The following VAV2 variants were observed in gnomAD, a reference collection of about 807,000 sequenced individuals.
VAV2 encodes the protein vav guanine nucleotide exchange factor 2, also known as guanine nucleotide exchange factor VAV2.
Under a neutral mutation model 132.5 loss-of-function variants are expected in VAV2, and 67 were observed. That is an observed-to-expected ratio of 0.51 (90% confidence interval 0.42 to 0.62). VAV2 has a LOEUF of 0.62. Among genes scored for constraint, VAV2 ranks in the 20% least tolerant of loss-of-function variants. The pLI is 0.00. For synonymous variants in VAV2, 492 were observed against 443.5 expected (o/e 1.11, Z -1.37); for missense variants, 938 against 1,153.6 (o/e 0.81, Z 2.71).
intron 2 of VAV2, among the ~76,000 whole-genome samples, chr9:133,875,074 C>G (rs1257430795): frequency 6.6e-6 from 1 of 152,234 alleles, no homozygotes; most frequent in Non-Finnish European, 1.5e-5. Flanking sequence ...AACAGAATCA[C>G]AGGCTCTCCC....
intron 18 of VAV2, among the ~76,000 whole-genome samples, 183 bp from the exon 19 acceptor site, chr9:133,783,774 C>T (rs1474937200): frequency 6.6e-6 from 1 of 152,056 alleles, no homozygotes; most frequent in Non-Finnish European, 1.5e-5. Flanking sequence ...ACCTGCTTTC[C>T]CCTACCTCCA....
At chr9:133,772,079 G>T (rs373654300) in intron 25 of VAV2, 33 bp from the exon 26 acceptor site, 1 of 1,595,058 alleles carries the variant, frequency 6.3e-7, no homozygotes. Flanking sequence ...CGGTCACCGC[G>T]TGAGGGCCAC....
At chr9:133,909,929 G>A (rs982205275) in intron 2 of VAV2, among the ~76,000 whole-genome samples, 4 of 152,134 alleles carry the variant, frequency 2.6e-5, no homozygotes, top group Admixed American at 1.3e-4. Context: ...GGCAGGGCTG[G>A]GGGCCTCCCA....
intron 3 of VAV2, among the ~76,000 whole-genome samples, chr9:133,839,450 AG>A (rs1308439846): frequency 6.7e-6 from 1 of 148,842 alleles, no homozygotes; most frequent in African/African-American, 2.5e-5. Flanking sequence ...GATACGAGGA[AG>A]TTTTTTTTTT....
At chr9:133,779,687 G>A (rs1833937684) in intron 21 of VAV2, among the ~76,000 whole-genome samples, 1 of 152,182 alleles carries the variant, frequency 6.6e-6, no homozygotes, top group Non-Finnish European at 1.5e-5. Context: ...CTGCAGGCTG[G>A]GTCCTGTCCC....
chr9:133,939,439 G>A, intron 1 of VAV2: 1 of 589,094 alleles, frequency 1.7e-6, no homozygotes, highest in Non-Finnish European at 3.0e-6. Context: ...AGTGGAAGCA[G>A]GCAGACCAGC....
At chr9:133,773,740 A>T (rs1833717575) in intron 25 of VAV2, among the ~76,000 whole-genome samples, 1 of 152,150 alleles carries the variant, frequency 6.6e-6, no homozygotes, top group Non-Finnish European at 1.5e-5. Flanking sequence ...TTTACAATTA[A>T]GTATTTTTTT....
In VAV2 at chr9:133,783,561, G is replaced by A. The variant is rs1047070700; in HGVS notation, c.1665C>T (p.Thr555=). The A allele has an allele frequency of 2.5e-6, 4 of 1,613,916 alleles. No homozygotes were observed. In the African/African-American group the frequency reaches 4.0e-5, roughly 16 times the overall value. ...RGTFYQGYMC[T]KCGVGAHKEC... is the part of the protein sequence containing the mutation. Reference sequence around the variant, plus strand: ...CCTTGTGTGCCCCGACGCCACACTTGGTACACATGTATCCCTGGTAGAAGG... The same window carrying A: ...CCTTGTGTGCCCCGACGCCACACTTAGTACACATGTATCCCTGGTAGAAGG... Residue 555 remains threonine, a synonymous_variant, in exon 19 of 30, where the codon ACC becomes ACT. Transcript: ENST00000371850.
chr9:133,975,482 C>G (rs1842474719), intron 1 of VAV2, among the ~76,000 whole-genome samples: 1 of 152,212 alleles, frequency 6.6e-6, no homozygotes, highest in African/African-American at 2.4e-5. Context: ...CTCACACAAA[C>G]CCCTCAATTT....
At position 133,791,767 on chromosome 9, in the gene VAV2, A is replaced by C; in HGVS notation, c.1188+16T>G. ...CTCATCGACCTTCCCTAGCCTGAAG[A>C]GTCAGTCTCACTCACCAAATTTTCT... On this transcript the variant is annotated intron_variant, in intron 13 of 29. Transcript: ENST00000371850. 1 of 1,609,928 alleles carries C rather than the reference A, an allele frequency of 6.2e-7. No individual in the cohort carries two copies.
intron 9 of VAV2, among the ~76,000 whole-genome samples, chr9:133,800,024 G>C (rs995816106): frequency 3.3e-5 from 5 of 152,210 alleles, no homozygotes; most frequent in South Asian, 2.1e-4. Context: ...ACCTGGGCTG[G>C]AAGCTCTGGG....
chr9:133,978,471 C>A (rs1842588806), intron 1 of VAV2, among the ~76,000 whole-genome samples: 1 of 152,260 alleles, frequency 6.6e-6, no homozygotes, highest in Admixed American at 6.5e-5. Context: ...AGCCCGCAAG[C>A]ACCTGGCGGG....
chr9:133,843,127 G>A (rs142817616), intron 3 of VAV2, among the ~76,000 whole-genome samples: 2 of 152,318 alleles, frequency 1.3e-5, no homozygotes, highest in Non-Finnish European at 2.9e-5. Flanking sequence ...AGGCCAGGTC[G>A]AACCCGGCTT....
rs552140828 is a variant in VAV2, at chr9:133,834,037, A to G, written c.449+235T>C. ...TAGACTGGCTGGGCAGCCTTCTAGAATGTACAAGGGATATGAAGATCTGCT... is the reference window on the plus strand; with the variant it reads ...TAGACTGGCTGGGCAGCCTTCTAGAGTGTACAAGGGATATGAAGATCTGCT... On this transcript the variant is annotated intron_variant, in intron 4 of 29. Transcript: ENST00000371850. This position sits in a 1 kb window ranked among gnomAD's most constrained non-coding sequence, Gnocchi z 5.9. 2.6e-5 allele frequency among the ~76,000 whole-genome samples: 4 copies of G among 152,278 alleles called. No individual in the cohort carries two copies. In the South Asian group the frequency reaches 8.3e-4, roughly 32 times the overall value.
intron 23 of VAV2, among the ~76,000 whole-genome samples, chr9:133,777,136 G>C (rs1297121691): frequency 6.6e-6 from 1 of 152,140 alleles, no homozygotes; most frequent in East Asian, 1.9e-4. Context: ...AGAAATGCCT[G>C]TTTTGGTGTT....
At chr9:133,829,624 T>C (rs999352359) in intron 4 of VAV2, among the ~76,000 whole-genome samples, 7 of 152,146 alleles carry the variant, frequency 4.6e-5, no homozygotes, top group African/African-American at 1.7e-4. Flanking sequence ...ATATGCTGGG[T>C]TAACTATAAC....
At chr9:133,844,544 C>T (rs544340320) in intron 3 of VAV2, among the ~76,000 whole-genome samples, 2 of 152,362 alleles carry the variant, frequency 1.3e-5, no homozygotes, top group East Asian at 1.9e-4. Flanking sequence ...GTCCCTGGCA[C>T]GGCTGCTCCA....
intron 3 of VAV2, among the ~76,000 whole-genome samples, chr9:133,853,886 T>C (rs1479173313): frequency 6.6e-6 from 1 of 152,064 alleles, no homozygotes; most frequent in Non-Finnish European, 1.5e-5. Context: ...TGCCTGCTGC[T>C]CCCGCTGGCA....
chr9:133,958,483 G>A (rs922392651), intron 1 of VAV2, among the ~76,000 whole-genome samples: 5 of 150,638 alleles, frequency 3.3e-5, no homozygotes, highest in East Asian at 1.9e-4. Flanking sequence ...CTTTGTTCAC[G>A]TGTTTGTCTG....
Sources: gnomAD v4.1 joint callset for allele counts (sites outside exome capture counted in the v4.1 genomes callset) on GRCh38, gnomAD v4.1.1 for gene constraint, Gnocchi (gnomAD v3.1) non-coding constraint, MANE v1.5 for transcripts, NCBI Gene and HGNC (gene_info 2026-07-23, HGNC 2026-07-21) for gene names.